BCL2: variants seen among roughly 807,000 people sequenced by gnomAD.
BCL2 encodes apoptosis regulator Bcl-2.
In BCL2, 1 loss-of-function variant was observed where a neutral mutation model predicts 14.2. The ratio of observed to expected loss-of-function variants is 0.07; its 90% CI spans 0.02 to 0.33. The LOEUF (loss-of-function observed/expected upper bound fraction) is 0.33. BCL2 is among the 10% of genes least tolerant of loss of function. The pLI, the probability that BCL2 is intolerant of heterozygous loss-of-function variation, is 0.99. For missense variants in BCL2, 247 were observed against 305.9 expected (o/e 0.81, Z 1.44); for synonymous variants, 151 against 137.2 (o/e 1.10, Z -0.70).
At chr18:63,142,047 G>A (rs954026097) in intron 2 of BCL2, among the ~76,000 whole-genome samples, 6 of 152,248 alleles carry the variant, frequency 3.9e-5, no homozygotes, top group Non-Finnish European at 7.3e-5. Context: ...CGCTGCTGGG[G>A]GCAGTGAGGG....
chr18:63,228,892 T>C (rs1333813149), intron 2 of BCL2, among the ~76,000 whole-genome samples: 1 of 152,222 alleles, frequency 6.6e-6, no homozygotes, highest in Non-Finnish European at 1.5e-5. Flanking sequence ...GTATTTTTAG[T>C]GGAGATAAGG....
intron 2 of BCL2, among the ~76,000 whole-genome samples, chr18:63,206,973 G>A (rs1443952072): frequency 2.0e-5 from 3 of 152,186 alleles, no homozygotes; most frequent in African/African-American, 7.2e-5. Context: ...GAGAAGGGAA[G>A]CTTTTACAGC....
At chr18:63,196,439 G>A (rs985266054) in intron 2 of BCL2, among the ~76,000 whole-genome samples, 1 of 152,106 alleles carries the variant, frequency 6.6e-6, no homozygotes, top group South Asian at 2.1e-4. Flanking sequence ...GTTTAGCTAG[G>A]TAACTTAGTC....
rs1182470292 is a variant in BCL2 at position 63,303,695 on chromosome 18, G to A, written c.585+14387C>T. Among the ~76,000 whole-genome samples the A allele has an allele frequency of 3.9e-5, 6 of 152,280 alleles. No individual in the cohort carries two copies. In the East Asian group the frequency reaches 9.6e-4, roughly 24 times the overall value. On this transcript the variant is annotated intron_variant, in intron 2 of 2. Transcript: ENST00000333681. ...CTGCCCTCAGGGAGAGGTTATTGAG[G>A]TTAAATAATCTCCTATCCCTAAAAG... is the stretch of plus-strand genomic sequence containing the variant.
rs530832686 is a variant in BCL2 at position 63,277,548 on chromosome 18, C to T, written c.585+40534G>A. Reference sequence around the variant, plus strand: ...GAGGCTGAGGCAGGAGGATCACTTGCCTGGGTGACAGAGGGAGATCATGTC... The same window carrying T: ...GAGGCTGAGGCAGGAGGATCACTTGTCTGGGTGACAGAGGGAGATCATGTC... On this transcript the variant is annotated intron_variant, in intron 2 of 2. Coordinates refer to ENST00000333681, the MANE Select transcript of BCL2 (RefSeq NM_000633.3). Among the ~76,000 whole-genome samples, 21 of 150,992 alleles carry T rather than the reference C, an allele frequency of 1.4e-4. No homozygotes were observed. The South Asian group carries it at 3.8e-3, about 27-fold the overall frequency.
chr18:63,221,446 G>C (rs1910389059), intron 2 of BCL2, among the ~76,000 whole-genome samples: 2 of 152,174 alleles, frequency 1.3e-5, no homozygotes, highest in Non-Finnish European at 2.9e-5. Flanking sequence ...GAAGGAAAAG[G>C]GGGATAGAGG....
chr18:63,272,527 T>C (rs1310199893), intron 2 of BCL2, among the ~76,000 whole-genome samples: 3 of 152,222 alleles, frequency 2.0e-5, no homozygotes, highest in African/African-American at 7.2e-5. Flanking sequence ...CAGAAATGTT[T>C]TTTGTTTGTT....
At chr18:63,181,801 G>A (rs143264175) in intron 2 of BCL2, among the ~76,000 whole-genome samples, 163 of 152,334 alleles carry the variant, frequency 1.1e-3, no homozygotes, top group African/African-American at 3.8e-3. Flanking sequence ...CTCTGGATCT[G>A]GAAATCCACG....
At chr18:63,259,057 T>C (rs1324832455) in intron 2 of BCL2, among the ~76,000 whole-genome samples, 3 of 152,252 alleles carry the variant, frequency 2.0e-5, no homozygotes, top group Non-Finnish European at 4.4e-5. Context: ...AAAGACATTC[T>C]AAGTGCTCCC....
chr18:63,211,073 T>C (rs1909989611), intron 2 of BCL2, among the ~76,000 whole-genome samples: 2 of 134,444 alleles, frequency 1.5e-5, no homozygotes, highest in Non-Finnish European at 1.6e-5. Flanking sequence ...CTTTTTTTTT[T>C]TTTTTTTTTT....
At chr18:63,239,610 C>T (rs1910939082) in intron 2 of BCL2, among the ~76,000 whole-genome samples, 1 of 152,084 alleles carries the variant, frequency 6.6e-6, no homozygotes, top group African/African-American at 2.4e-5. Flanking sequence ...CATGGCAATG[C>T]ATGCCTGTAA....
intron 2 of BCL2, among the ~76,000 whole-genome samples, chr18:63,196,426 G>T (rs369055940): frequency 6.6e-6 from 1 of 152,108 alleles, no homozygotes; most frequent in East Asian, 1.9e-4. Context: ...GAAGGAGGGG[G>T]GAGTTTAGCT....
At chr18:63,298,438 G>A (rs1912861909) in intron 2 of BCL2, among the ~76,000 whole-genome samples, 1 of 152,192 alleles carries the variant, frequency 6.6e-6, no homozygotes, top group East Asian at 1.9e-4. Context: ...CTTTTAGCTA[G>A]CTATGTTGAT....
At chr18:63,204,823 T>A (rs1909790175) in intron 2 of BCL2, among the ~76,000 whole-genome samples, 1 of 152,132 alleles carries the variant, frequency 6.6e-6, no homozygotes, top group African/African-American at 2.4e-5. Flanking sequence ...AGATCTTACA[T>A]GGTAAAATCT....
chr18:63,239,777 A>G (rs985338557), intron 2 of BCL2, among the ~76,000 whole-genome samples: 1 of 152,070 alleles, frequency 6.6e-6, no homozygotes, highest in East Asian at 1.9e-4. Context: ...ATCAGGTCAC[A>G]TTAATCCCAA....
At chr18:63,313,218 A>C (rs758369304) in intron 2 of BCL2, among the ~76,000 whole-genome samples, 12 of 152,196 alleles carry the variant, frequency 7.9e-5, no homozygotes, top group Admixed American at 6.5e-5. Flanking sequence ...GCAGAAGCAA[A>C]GCTCTCCTTG....
chr18:63,297,219 AAAAG>A (rs1005026657), intron 2 of BCL2, among the ~76,000 whole-genome samples: 1 of 152,172 alleles, frequency 6.6e-6, no homozygotes, highest in Non-Finnish European at 1.5e-5. Flanking sequence ...TCTCAAAAAA[AAAAG>A]AAAGAAAGAA....
At chr18:63,132,196 A>C (rs1283217497) in intron 2 of BCL2, among the ~76,000 whole-genome samples, 1 of 152,232 alleles carries the variant, frequency 6.6e-6, no homozygotes, top group African/African-American at 2.4e-5. Context: ...TATAACCTTC[A>C]GCAGATAACC....
intron 2 of BCL2, among the ~76,000 whole-genome samples, chr18:63,212,343 C>CA (rs749088574): frequency 1.3e-5 from 2 of 149,708 alleles, no homozygotes; most frequent in African/African-American, 5.0e-5. Context: ...AACAAACAAA[C>CA]AACAACAACA....
Sources: allele counts gnomAD v4.1 joint callset (sites outside exome capture counted in the v4.1 genomes callset), GRCh38; gene constraint gnomAD v4.1.1; transcripts MANE v1.5; gene names NCBI Gene and HGNC (gene_info 2026-07-23, HGNC 2026-07-21).